Variants in PCDHA12 observed in about 807,000 individuals in gnomAD.
PCDHA12 encodes the protein protocadherin alpha-12.
PCDHA12 carries 44 observed loss-of-function variants against 60.0 expected under a neutral mutation model. The ratio of observed to expected loss-of-function variants is 0.73; its 90% CI spans 0.58 to 0.94. PCDHA12 has a LOEUF of 0.94. PCDHA12 is among the 40% of genes least tolerant of loss of function. PCDHA12 has a pLI of 0.00. For missense variants in PCDHA12, 1,276 were observed against 1,239.7 expected, an observed-to-expected ratio of 1.03 and a Z score of -0.44; for synonymous variants, 569 against 553.0, an observed-to-expected ratio of 1.03 and a Z score of -0.40.
At chr5:141,005,321 A>C (rs1455149994) in intron 3 of PCDHA12, among the ~76,000 whole-genome samples, 1 of 152,182 alleles carries the variant, frequency 6.6e-6, no homozygotes, top group Admixed American at 6.5e-5. Context: ...AGTGGTAGAG[A>C]ATAATAGGCC....
intron 1 of PCDHA12, among the ~76,000 whole-genome samples, chr5:140,951,140 C>G (rs1322025119): frequency 9.9e-6 from 1 of 100,842 alleles, no homozygotes; most frequent in Non-Finnish European, 2.0e-5. Context: ...TTTCCTTTAT[C>G]TTATTGAATA....
Position 140,956,868 on chromosome 5 carries a change from G to A in PCDHA12, c.2368-22081G>A, listed in dbSNP as rs1161897507. Among the ~76,000 whole-genome samples, 4 of 152,082 alleles carry A rather than the reference G, an allele frequency of 2.6e-5. No individual in the cohort carries two copies. In the South Asian group the frequency reaches 8.3e-4, roughly 32 times the overall value. On this transcript the variant is annotated intron_variant, in intron 1 of 3. Transcript: ENST00000398631. ...GGGTTAAATGGTTGAATGAATGTGT[G>A]AAAAGTTAGATATCAATGAATGAAT...
rs2096268798 is a variant in PCDHA12 at position 140,968,765 on chromosome 5, G to A, written c.2368-10184G>A. 8.1e-6 allele frequency: 13 copies of A among 1,614,078 alleles called. No homozygotes were observed. The East Asian group carries it at 2.2e-4, about 28-fold the overall frequency. On this transcript the variant is annotated intron_variant, in intron 1 of 3. Transcript: ENST00000398631. Reference sequence around the variant, plus strand: ...GACCGTGGTGGTCCGAGATAATGGAGAGCCATCACTATCAGCCTCTGTGGC... The same window carrying A: ...GACCGTGGTGGTCCGAGATAATGGAAAGCCATCACTATCAGCCTCTGTGGC...
chr5:140,949,636 T>A (rs1047386786), intron 1 of PCDHA12, among the ~76,000 whole-genome samples: 1 of 151,898 alleles, frequency 6.6e-6, no homozygotes, highest in Admixed American at 6.6e-5. Context: ...GGCATATTGC[T>A]TTTTGTTCAT....
At chr5:140,976,970 C>A (rs1294728864) in intron 1 of PCDHA12, among the ~76,000 whole-genome samples, 3 of 152,140 alleles carry the variant, frequency 2.0e-5, no homozygotes, top group African/African-American at 7.2e-5. Context: ...CTTTCCTTTT[C>A]CCTGCCTGAT....
intron 1 of PCDHA12, among the ~76,000 whole-genome samples, chr5:140,898,214 T>C (rs1285649893): frequency 1.3e-5 from 2 of 152,238 alleles, no homozygotes; most frequent in African/African-American, 4.8e-5. Flanking sequence ...TTTGTCAATT[T>C]TGGCTTTTGT....
intron 3 of PCDHA12, among the ~76,000 whole-genome samples, chr5:141,008,171 G>A (rs1441350888): frequency 6.6e-6 from 1 of 152,148 alleles, no homozygotes; most frequent in African/African-American, 2.4e-5. Flanking sequence ...GGACTAAAAT[G>A]TGACCATTGA....
Position 141,010,117 on chromosome 5 carries a change from T to C in PCDHA12, c.*180T>C. Reference sequence around the variant, plus strand: ...TTTAACAGGTTTTGTCGTAAAAGCTTTACTAAGTCTGGTGTTAACTCTTTC... The same window carrying C: ...TTTAACAGGTTTTGTCGTAAAAGCTCTACTAAGTCTGGTGTTAACTCTTTC... On this transcript the variant is annotated 3_prime_UTR_variant, in exon 4 of 4. Transcript: ENST00000398631. 1 of 1,608,612 alleles carries C rather than the reference T, an allele frequency of 6.2e-7. No individual in the cohort carries two copies. The highest frequency in any genetic ancestry group is 8.5e-7 in the Non-Finnish European group (1 of 1,177,044).
intron 1 of PCDHA12, chr5:140,968,375 T>G: frequency 6.2e-7 from 1 of 1,614,098 alleles, no homozygotes; most frequent in Non-Finnish European, 8.5e-7. Context: ...TGTCAACTCC[T>G]TTGACTATGA....
chr5:141,002,656 C>T lies in PCDHA12; in HGVS notation c.2516-6971C>T, dbSNP rs115710244. Among the ~76,000 whole-genome samples the T allele has an allele frequency of 3.7e-3, 571 of 152,302 alleles. 5 individuals are homozygous for T. The highest frequency in any genetic ancestry group is 0.013 in the African/African-American group (539 of 41,574). On this transcript the variant is annotated intron_variant, in intron 3 of 3. Coordinates refer to ENST00000398631, the MANE Select transcript of PCDHA12 (RefSeq NM_018903.4). The stretch of plus-strand genomic sequence containing the variant: ...CTAGAAATGTCTACTTCATAGGGCT[C>T]TTGTCAGGACCAAAACCTATACGAC...
chr5:140,956,137 A>C (rs374405911), intron 1 of PCDHA12, among the ~76,000 whole-genome samples: 1 of 152,114 alleles, frequency 6.6e-6, no homozygotes. Flanking sequence ...AATACCCTTT[A>C]TTTCTTTCTC....
intron 2 of PCDHA12, 96 bp from the exon 3 acceptor site, chr5:140,982,379 C>T (rs959359344): frequency 1.4e-5 from 22 of 1,575,004 alleles, no homozygotes; most frequent in South Asian, 3.5e-5. Context: ...TAGCTGCAGC[C>T]CTGGCTTCAT....
At chr5:140,884,523 A>T (rs1393275293) in intron 1 of PCDHA12, 1 of 1,614,030 alleles carries the variant, frequency 6.2e-7, no homozygotes, top group Non-Finnish European at 8.5e-7. Flanking sequence ...TCGTACTCGC[A>T]GCAGAGGCGG....
intron 1 of PCDHA12, among the ~76,000 whole-genome samples, chr5:140,959,312 C>G (rs2095480226): frequency 6.6e-6 from 1 of 151,968 alleles, no homozygotes; most frequent in South Asian, 2.1e-4. Flanking sequence ...GTGGTTGAAG[C>G]TGCAATAAGT....
At chr5:140,905,446 A>G (rs1421760693) in intron 1 of PCDHA12, among the ~76,000 whole-genome samples, 2 of 152,180 alleles carry the variant, frequency 1.3e-5, no homozygotes, top group East Asian at 3.9e-4. Flanking sequence ...GCCTTTTAGT[A>G]TAATTTAAAG....
chr5:140,938,298 A>G (rs549354760), intron 1 of PCDHA12, among the ~76,000 whole-genome samples: 4 of 152,350 alleles, frequency 2.6e-5, no homozygotes, highest in African/African-American at 7.2e-5. Context: ...ATTGCCTATG[A>G]AATTCAGTAT....
chr5:140,946,631 T>TATATATATATATATATATATATATACAC lies in PCDHA12; in HGVS notation c.2368-32317_2368-32316insTATATATATATATATATATATATACACA, dbSNP rs57893927. 8.3e-4 allele frequency among the ~76,000 whole-genome samples: 109 copies of TATATATATATATATATATATATATACAC among 131,802 alleles called. 1 individual carries two copies. The highest frequency in any genetic ancestry group is 3.6e-3 in the African/African-American group (102 of 28,672). 86.5% of individuals were successfully genotyped at this position (131,802 alleles called of 152,430 possible). A position where few individuals can be genotyped will look rare whatever the true frequency, so the allele number is the denominator to read the frequency against. On this transcript the variant is annotated intron_variant, in intron 1 of 3. Transcript: ENST00000398631. ...TGTGAAATATATATATATATATATA[T>TATATATATATATATATATATATATACAC]ACAATGGAATACTCATCAGCCATTA...
chr5:140,966,705 G>A, intron 1 of PCDHA12: 1 of 1,379,198 alleles, frequency 7.3e-7, no homozygotes, highest in Non-Finnish European at 9.3e-7. Context: ...CGGGCGTGGG[G>A]CACGGCTGGG....
intron 1 of PCDHA12, among the ~76,000 whole-genome samples, chr5:140,976,780 A>G (rs2096731008): frequency 6.6e-6 from 1 of 152,224 alleles, no homozygotes; most frequent in Non-Finnish European, 1.5e-5. Context: ...CTCTGACTAT[A>G]TAGCTACGCT....
Sources: gnomAD v4.1 joint callset for allele counts (sites outside exome capture counted in the v4.1 genomes callset) on GRCh38, gnomAD v4.1.1 for gene constraint, MANE v1.5 for transcripts, NCBI Gene and HGNC (gene_info 2026-07-23, HGNC 2026-07-21) for gene names.